CSNK2A2: variants seen among roughly 807,000 people sequenced by gnomAD.
CSNK2A2 encodes casein kinase II subunit alpha'.
In CSNK2A2, 8 loss-of-function variants were observed where a neutral mutation model predicts 54.0. That is an observed-to-expected ratio of 0.15 (90% CI 0.09 to 0.27). The LOEUF is 0.27. CSNK2A2 is among the 10% of genes least tolerant of loss of function. The pLI is 1.00. For synonymous variants in CSNK2A2, 141 were observed against 153.9 expected, an observed-to-expected ratio of 0.92 and a Z score of 0.62; for missense variants, 242 against 439.4, an observed-to-expected ratio of 0.55 and a Z score of 4.02.
rs1335776068 is a variant in CSNK2A2, at chr16:58,167,297, A to G, written c.636T>C (p.Tyr212=). The G allele has an allele frequency of 1.2e-6, 2 of 1,612,050 alleles. No individual in the cohort carries two copies. The highest frequency in any genetic ancestry group is 1.7e-6 in the Non-Finnish European group (2 of 1,178,842). ...ELLVDYQMYD[Y]SLDMWSLGCM... ...AGCCCAAACTCCACATGTCCAAGCTATAATCATACATCTGAGGCAATAAGG... is the reference window on the plus strand; with the variant it reads ...AGCCCAAACTCCACATGTCCAAGCTGTAATCATACATCTGAGGCAATAAGG... Residue 212 remains tyrosine, a synonymous_variant, in exon 8 of 12, where the codon TAT becomes TAC. Coordinates refer to ENST00000262506, the MANE Select transcript of CSNK2A2 (RefSeq NM_001896.4).
At chr16:58,192,385 T>C (rs1962339235) in intron 2 of CSNK2A2, among the ~76,000 whole-genome samples, 1 of 151,744 alleles carries the variant, frequency 6.6e-6, no homozygotes, top group Non-Finnish European at 1.5e-5. Context: ...ATAAAACTAT[T>C]AAACTATTAA....
At chr16:58,162,094 G>T (rs3803584) in intron 11 of CSNK2A2, 34,994 of 151,464 alleles carry the variant, frequency 0.23, 4,532 homozygotes, top group African/African-American at 0.33. Context: ...AAAAAAAAAG[G>T]GAGGGCTGAG....
intron 4 of CSNK2A2, among the ~76,000 whole-genome samples, chr16:58,177,490 T>C (rs1235397341): frequency 6.6e-6 from 1 of 152,232 alleles, no homozygotes; most frequent in Non-Finnish European, 1.5e-5. Flanking sequence ...CACAAAGGCA[T>C]GGCCACAGGT....
chr16:58,179,864 G>A (rs1215741870), intron 4 of CSNK2A2, among the ~76,000 whole-genome samples: 1 of 152,078 alleles, frequency 6.6e-6, no homozygotes, highest in Non-Finnish European at 1.5e-5. Flanking sequence ...TGGGTCATGA[G>A]TTCAGCAGTT....
chr16:58,168,180 A>T (rs1875523), intron 6 of CSNK2A2, among the ~76,000 whole-genome samples: 10,129 of 152,068 alleles, frequency 0.067, 412 homozygotes, highest in South Asian at 0.2. Flanking sequence ...TCCAGGACTG[A>T]AGCATTGCTC....
At chr16:58,171,969 ATATATATATAT>A (rs1961750500) in intron 5 of CSNK2A2, among the ~76,000 whole-genome samples, 1 of 28,350 alleles carries the variant, frequency 3.5e-5, no homozygotes, top group African/African-American at 2.0e-4. Flanking sequence ...ATATATATAT[ATATATATATAT>A]TTTTTTTTTT....
Position 58,197,742 on chromosome 16 carries a change from G to C in CSNK2A2, c.-6C>G, listed in dbSNP as rs1234069355. The C allele has an allele frequency of 5.2e-6, 7 of 1,337,326 alleles. No homozygotes were observed. The highest frequency in any genetic ancestry group is 3.3e-5 in the Admixed American group (1 of 30,068). The allele number at this position is 1,337,326 out of a possible 1,614,324, so 82.8% of individuals were successfully genotyped here. ...CCCGCGGCCGGGCCGGGCATGGCGGGCGGGACCGGGGGGCGGCGCGGGGCG... is the reference window on the plus strand; with the variant it reads ...CCCGCGGCCGGGCCGGGCATGGCGGCCGGGACCGGGGGGCGGCGCGGGGCG... On this transcript the variant is annotated 5_prime_UTR_variant, in exon 1 of 12. Transcript: ENST00000262506. The surrounding 1 kb of genome is among the most constrained non-coding windows in gnomAD (Gnocchi z 4.0).
At chr16:58,176,496 G>A (rs902350722) in intron 4 of CSNK2A2, among the ~76,000 whole-genome samples, 1 of 152,210 alleles carries the variant, frequency 6.6e-6, no homozygotes, top group Non-Finnish European at 1.5e-5. Flanking sequence ...CTCCGGGTAG[G>A]AGGAGACCAA....
chr16:58,159,728 C>T (rs766437312), intron 11 of CSNK2A2: 12 of 152,286 alleles, frequency 7.9e-5, no homozygotes, highest in Middle Eastern at 3.4e-3. Flanking sequence ...TGTAAAGGAT[C>T]ACAACCCAGG....
At chr16:58,178,468 G>A (rs1961937494) in intron 4 of CSNK2A2, among the ~76,000 whole-genome samples, 1 of 151,906 alleles carries the variant, frequency 6.6e-6, no homozygotes, top group Admixed American at 6.6e-5. Context: ...TATTTTTAGT[G>A]ACGGGGTTTT....
At chr16:58,180,801 A>G (rs1204014596) in intron 4 of CSNK2A2, among the ~76,000 whole-genome samples, 2 of 152,198 alleles carry the variant, frequency 1.3e-5, no homozygotes, top group Non-Finnish European at 2.9e-5. Context: ...AGGAATGAAC[A>G]CTCTCTGGGT....
rs1328425687 is a variant in CSNK2A2, at chr16:58,158,143, T to C, written c.*228A>G. ...CCATGCTTTCTGGGTCGGGAAGAAGTCAACAGGAAGCCAAAGGCAAGTGAG... is the reference window on the plus strand; with the variant it reads ...CCATGCTTTCTGGGTCGGGAAGAAGCCAACAGGAAGCCAAAGGCAAGTGAG... On this transcript the variant is annotated 3_prime_UTR_variant, in exon 12 of 12. Coordinates refer to ENST00000262506, the MANE Select transcript of CSNK2A2 (RefSeq NM_001896.4). 1 of 152,530 alleles carries C rather than the reference T, an allele frequency of 6.6e-6. No homozygotes were observed. The highest frequency in any genetic ancestry group is 2.4e-5 in the African/African-American group (1 of 41,414). The allele number at this position is 152,530 out of a possible 1,614,324, so 9.4% of individuals were successfully genotyped here.
At chr16:58,192,153 A>C (rs1962334329) in intron 2 of CSNK2A2, among the ~76,000 whole-genome samples, 1 of 152,214 alleles carries the variant, frequency 6.6e-6, no homozygotes, top group Admixed American at 6.5e-5. Flanking sequence ...GAAAACAGTC[A>C]AGTGGGTATC....
intron 2 of CSNK2A2, among the ~76,000 whole-genome samples, chr16:58,196,276 G>C (rs1962441868): frequency 6.6e-6 from 1 of 152,180 alleles, no homozygotes; most frequent in Non-Finnish European, 1.5e-5. Flanking sequence ...TGGGAAAATG[G>C]GGTGGAAAAA....
chr16:58,187,655 T>C (rs1277828988), intron 2 of CSNK2A2, among the ~76,000 whole-genome samples: 1 of 152,264 alleles, frequency 6.6e-6, no homozygotes, highest in African/African-American at 2.4e-5. Context: ...GTATGCTTTA[T>C]AAGGCACTCA....
intron 4 of CSNK2A2, 144 bp from the exon 5 acceptor site, chr16:58,174,654 G>A: frequency 7.7e-6 from 4 of 517,256 alleles, no homozygotes; most frequent in Non-Finnish European, 1.4e-5. Flanking sequence ...TGAAATAAAT[G>A]GGAAGACTAA....
chr16:58,163,492 A>G (rs2142406362), intron 11 of CSNK2A2: 1 of 151,550 alleles, frequency 6.6e-6, no homozygotes, highest in African/African-American at 2.4e-5. Flanking sequence ...CTTGGAGGAA[A>G]ACTGCGGGGA....
intron 7 of CSNK2A2, 26 bp downstream of exon 7, chr16:58,167,659 C>A (rs1597110467): frequency 6.4e-7 from 1 of 1,550,706 alleles, no homozygotes; most frequent in Non-Finnish European, 8.9e-7. Flanking sequence ...ATAAATAACC[C>A]AGAATAGCTC....
At chr16:58,186,146 G>T (rs1962188729) in intron 3 of CSNK2A2, among the ~76,000 whole-genome samples, 1 of 152,176 alleles carries the variant, frequency 6.6e-6, no homozygotes. Context: ...AAACACCTAA[G>T]GTTAAGTTAC....
Sources: gnomAD v4.1 joint callset for allele counts (sites outside exome capture counted in the v4.1 genomes callset) on GRCh38, gnomAD v4.1.1 for gene constraint, Gnocchi (gnomAD v3.1) non-coding constraint, MANE v1.5 for transcripts, NCBI Gene and HGNC (gene_info 2026-07-23, HGNC 2026-07-21) for gene names.